MSH6: variants seen among roughly 807,000 people sequenced by gnomAD.
The protein encoded by MSH6 is mutS homolog 6, also known as DNA mismatch repair protein Msh6.
Under a neutral mutation model 119.1 loss-of-function variants are expected in MSH6, and 85 were observed. That is an observed-to-expected ratio of 0.71 (90% CI 0.60 to 0.85). The LOEUF is 0.85. MSH6 is among the 40% of genes least tolerant of loss of function. The pLI, the probability that MSH6 is intolerant of heterozygous loss-of-function variation, is 0.00. For missense variants in MSH6, 2,163 were observed against 1,655.3 expected (o/e 1.31, Z -5.32); for synonymous variants, 830 against 586.9 (o/e 1.41, Z -5.99).
At position 47,806,562 on chromosome 2, in the gene MSH6, G is replaced by A. The variant is rs786202333; in HGVS notation, c.3912G>A (p.Arg1304=). The A allele has an allele frequency of 1.2e-6, 2 of 1,613,734 alleles. No individual in the cohort carries two copies. The highest frequency in any genetic ancestry group is 2.7e-5 in the African/African-American group (2 of 74,988). The change falls in exon 9 of 10, where the codon AGG becomes AGA. Residue 1304 remains arginine, a synonymous_variant. Transcript: ENST00000234420. ...CPKSYGFNAA[R]LANLPEEVIQ... ...AAAGCTATGGCTTTAATGCAGCAAG[G>A]CTTGCTAATCTCCCAGAGGAAGTTA...
downstream of MSH6, chr2:47,809,106 A>AATT: frequency 8.4e-7 from 1 of 1,197,148 alleles, no homozygotes; most frequent in East Asian, 2.4e-5. Flanking sequence ...TGCTAATTTA[A>AATT]AAAGGAAATC....
downstream of MSH6, chr2:47,808,049 ATCT>A (rs1017765502): frequency 3.6e-4 from 505 of 1,386,238 alleles, 2 homozygotes; most frequent in Middle Eastern, 1.7e-3. Flanking sequence ...AATATTTTAA[ATCT>A]TCTTCCAAAA....
chr2:47,791,154 TTGTGTGTGTGTGTG>T, intron 2 of MSH6, 31 bp downstream of exon 2: 13 of 1,317,544 alleles, frequency 9.9e-6, no homozygotes, highest in Admixed American at 1.8e-5. Context: ...GTGTGTGTGT[TTGTGTGTGTGTGTG>T]TGTGTGTGAG....
Position 47,800,168 on chromosome 2 carries a change from G to A in MSH6, c.2185G>A (p.Ala729Thr), listed in dbSNP as rs2104392972. 1 of 1,614,188 alleles carries A rather than the reference G, an allele frequency of 6.2e-7. No individual in the cohort carries two copies. The highest frequency in any genetic ancestry group is 8.5e-7 in the Non-Finnish European group (1 of 1,180,032). ...TTRSGAIFTK[A>T]YQRMVLDAVT... Reference sequence around the variant, plus strand: ...AAGATCTGGTGCTATCTTCACCAAAGCCTATCAACGAATGGTGCTAGATGC... The same window carrying A: ...AAGATCTGGTGCTATCTTCACCAAAACCTATCAACGAATGGTGCTAGATGC... Residue 729 changes from alanine (A) to threonine (T), a missense_variant, in exon 4 of 10, where the codon GCC becomes ACC. Transcript: ENST00000234420.
chr2:47,784,123 G>A (rs1668198108), intron 1 of MSH6: 1 of 1,006,206 alleles, frequency 9.9e-7, no homozygotes, highest in Non-Finnish European at 1.2e-6. Flanking sequence ...GCCGCCGAGG[G>A]GGTGGGCCAC....
chr2:47,797,134 G>A (rs1669145762), intron 3 of MSH6, among the ~76,000 whole-genome samples: 1 of 152,180 alleles, frequency 6.6e-6, no homozygotes, highest in African/African-American at 2.4e-5. Flanking sequence ...TAGCTCATCA[G>A]CTATCATTAG....
At chr2:47,786,522 A>AG (rs1369661579) in intron 1 of MSH6, among the ~76,000 whole-genome samples, 1 of 232 alleles carries the variant, frequency 4.3e-3, no homozygotes, top group Non-Finnish European at 9.3e-3. Context: ...TATAGTAGAG[A>AG]CGGGTTTCAC....
rs63749980 is a variant in MSH6 at position 47,798,725 on chromosome 2, C to G, written c.742C>G (p.Arg248Gly). ...SRRSSRQIKK[R>G]RVISDSESDI... ...GCGAAGTAGCCGCCAAATAAAAAAA[C>G]GAAGGGTCATATCAGATTCTGAGAG... The change falls in exon 4 of 10, where the codon CGA becomes GGA. Residue 248 changes from arginine to glycine, a missense_variant. Transcript: ENST00000234420. 13 of 1,613,950 alleles carry G rather than the reference C, an allele frequency of 8.1e-6. No homozygotes were observed. The highest frequency in any genetic ancestry group is 1.0e-5 in the Non-Finnish European group (12 of 1,180,028).
intron 7 of MSH6, among the ~76,000 whole-genome samples, chr2:47,805,951 G>A (rs373064415): frequency 1.3e-5 from 2 of 152,094 alleles, no homozygotes; most frequent in Admixed American, 6.5e-5. Flanking sequence ...GTTATACTAC[G>A]GGGATGAGAA....
intron 1 of MSH6, among the ~76,000 whole-genome samples, chr2:47,785,879 T>C (rs1668320096): frequency 1.3e-5 from 2 of 152,192 alleles, no homozygotes; most frequent in South Asian, 4.1e-4. Context: ...CTTGTAAAAA[T>C]AAAACGTATA....
intron 7 of MSH6, 33 bp downstream of exon 7, chr2:47,805,740 CTA>C (rs1669982553): frequency 5.6e-5 from 67 of 1,191,500 alleles, no homozygotes; most frequent in Non-Finnish European, 7.7e-5. Context: ...TGAAGACTAT[CTA>C]TCTTAAAAAC....
At chr2:47,789,757 G>C (rs3136272) in intron 1 of MSH6, among the ~76,000 whole-genome samples, 2 of 151,862 alleles carry the variant, frequency 1.3e-5, no homozygotes, top group African/African-American at 4.8e-5. Context: ...TCTAGATTAC[G>C]TACAATACCT....
intron 5 of MSH6, among the ~76,000 whole-genome samples, chr2:47,804,544 AAAAAAAG>A (rs997347659): frequency 1.1e-5 from 1 of 88,958 alleles, no homozygotes; most frequent in African/African-American, 6.5e-5. Context: ...GTAAAAAAAA[AAAAAAAG>A]GTGCAGAGAT....
rs1387534158 is a variant in MSH6 at position 47,801,015 on chromosome 2, T to C, written c.3032T>C (p.Ile1011Thr). ...TGTAAACGATACTGGACCAAAACTA[T>C]TGAAAAGAAGTTGGCTAATCTCATA... is the stretch of plus-strand genomic sequence containing the variant. ...KGCKRYWTKT[I>T]EKKLANLINA... The change falls in exon 4 of 10, where the codon ATT becomes ACT. Residue 1011 changes from isoleucine to threonine, a missense_variant. Transcript: ENST00000234420. 4 of 1,572,842 alleles carry C rather than the reference T, an allele frequency of 2.5e-6. No individual in the cohort carries two copies. The highest frequency in any genetic ancestry group is 1.2e-5 in the South Asian group (1 of 83,476).
Position 47,806,662 on chromosome 2 carries a change from A to G in MSH6, c.4001+11A>G. The G allele has an allele frequency of 6.2e-7, 1 of 1,604,328 alleles. No homozygotes were observed. Among genetic ancestry groups the G allele is most frequent in the Non-Finnish European group, 8.5e-7 (1 of 1,175,688 alleles). ...ACTACGATTATTTCGGTAACTAACT[A>G]ACTATAATGGAATTATAACTAACTG... On this transcript the variant is annotated intron_variant, in intron 9 of 9. Coordinates refer to ENST00000234420, the MANE Select transcript of MSH6 (RefSeq NM_000179.3).
intron 3 of MSH6, 106 bp from the exon 4 acceptor site, chr2:47,798,505 C>A: frequency 8.8e-7 from 1 of 1,140,988 alleles, no homozygotes; most frequent in Non-Finnish European, 1.3e-6. Flanking sequence ...AAAACAGTGG[C>A]TGCACGGGTA....
rs1553413767 is a variant in MSH6 at position 47,800,389 on chromosome 2, T to A, written c.2406T>A (p.Pro802=). The part of the protein sequence containing the change: ...LDAIEDLMVV[P]DKISEVVELL... ...CCATAGAAGACCTCATGGTTGTGCC[T>A]GACAAAATCTCCGAAGTTGTAGAGC... The change falls in exon 4 of 10, where the codon CCT becomes CCA. Residue 802 remains proline (P), a synonymous_variant. Transcript: ENST00000234420. The A allele has an allele frequency of 6.2e-7, 1 of 1,614,114 alleles. No individual in the cohort carries two copies. Among genetic ancestry groups the A allele is most frequent in the Non-Finnish European group, 8.5e-7 (1 of 1,180,022 alleles).
Position 47,803,529 on chromosome 2 carries a change from A to T in MSH6, c.3282A>T (p.Ser1094=), listed in dbSNP as rs372996269. The T allele has an allele frequency of 8.7e-6, 14 of 1,614,010 alleles. No individual in the cohort carries two copies. The African/African-American group carries it at 1.7e-4, about 20-fold the overall frequency. ...DTPPFLELKG[S]RHPCITKTFF... ...CCCCCTTCTTAGAGCTTAAAGGATC[A>T]CGCCATCCTTGCATTACGAAGACTT... is the stretch of plus-strand genomic sequence containing the variant. The change falls in exon 5 of 10, where the codon TCA becomes TCT. Residue 1094 remains serine, a synonymous_variant. Coordinates refer to ENST00000234420, the MANE Select transcript of MSH6 (RefSeq NM_000179.3).
At chr2:47,805,350 TTTG>T (rs1669922102) in intron 6 of MSH6, among the ~76,000 whole-genome samples, 3 of 152,196 alleles carry the variant, frequency 2.0e-5, no homozygotes, top group Admixed American at 1.3e-4. Context: ...CAGCTAATTT[TTTG>T]TATTTTTAGT....
Sources: gnomAD v4.1 joint callset for allele counts (sites outside exome capture counted in the v4.1 genomes callset) on GRCh38, gnomAD v4.1.1 for gene constraint, MANE v1.5 for transcripts, NCBI Gene and HGNC (gene_info 2026-07-23, HGNC 2026-07-21) for gene names.